The following UBE3C variants were observed in gnomAD, a reference collection of about 807,000 sequenced individuals.
UBE3C encodes ubiquitin protein ligase E3C.
A neutral mutation model predicts 129.4 loss-of-function variants in UBE3C; 42 were observed. The ratio of observed to expected loss-of-function variants is 0.32; its 90% CI spans 0.25 to 0.42. UBE3C has a LOEUF of 0.42. UBE3C is among the 10% of genes least tolerant of loss of function. The pLI, the probability that UBE3C is intolerant of heterozygous loss-of-function variation, is 1.00. For missense variants in UBE3C, 1,049 were observed against 1,319.1 expected (o/e 0.80, Z 3.17); for synonymous variants, 510 against 492.4 (o/e 1.04, Z -0.47).
At chr7:157,212,483 C>T (rs190023692) in intron 13 of UBE3C, among the ~76,000 whole-genome samples, 466 of 152,210 alleles carry the variant, frequency 3.1e-3, no homozygotes, top group Non-Finnish European at 5.5e-3. Flanking sequence ...GAATATTTCC[C>T]CAAGGTCAGT....
At chr7:157,257,930 TC>T (rs1796797212) in intron 22 of UBE3C, among the ~76,000 whole-genome samples, 1 of 150,444 alleles carries the variant, frequency 6.6e-6, no homozygotes, top group South Asian at 2.1e-4. Context: ...GCATTCACTT[TC>T]TTTTTTCCTT....
At chr7:157,153,562 C>T (rs1807817593) in intron 1 of UBE3C, among the ~76,000 whole-genome samples, 1 of 152,066 alleles carries the variant, frequency 6.6e-6, no homozygotes, top group African/African-American at 2.4e-5. Flanking sequence ...CCAGGTAATC[C>T]CAAGTGTTGG....
rs1175791910 is a variant in UBE3C at position 157,256,788 on chromosome 7, C to A, written c.2951-126C>A. ...CACAGGTGATACACACATGCCACGC[C>A]GTTTTAGAGAAGGGACTTGAGGATC... On this transcript the variant is annotated intron_variant, in intron 21 of 22. Coordinates refer to ENST00000348165, the MANE Select transcript of UBE3C (RefSeq NM_014671.3). 14 of 1,250,546 alleles carry A rather than the reference C, an allele frequency of 1.1e-5. No individual in the cohort carries two copies. The East Asian group carries it at 2.8e-4, about 25-fold the overall frequency. The allele number at this position is 1,250,546 out of a possible 1,614,324, so 77.5% of individuals were successfully genotyped here.
At chr7:157,209,274 A>G (rs1809524242) in intron 13 of UBE3C, among the ~76,000 whole-genome samples, 1 of 152,234 alleles carries the variant, frequency 6.6e-6, no homozygotes, top group Non-Finnish European at 1.5e-5. Context: ...GAGCATGAGC[A>G]TTAGCAGCAG....
At position 157,169,057 on chromosome 7, in the gene UBE3C, C is replaced by A. The variant is rs1481261665; in HGVS notation, c.130C>A (p.Arg44=). ...EERRKREEER[R]RLKNAIIIQS... is the part of the protein sequence containing the mutation. ...TCCTTTTATTGTTTAGGAAGAAAGG[C>A]GAAGGTTGAAAAATGCAATAATTAT... Residue 44 remains arginine (R), a synonymous_variant, in exon 3 of 23, where the codon CGA becomes AGA. Transcript: ENST00000348165. 6.2e-7 allele frequency: 1 copy of A among 1,613,280 alleles called. No individual in the cohort carries two copies. Among genetic ancestry groups the A allele is most frequent in the South Asian group, 1.1e-5 (1 of 91,036 alleles).
At chr7:157,189,910 C>T (rs1403647223) in intron 10 of UBE3C, among the ~76,000 whole-genome samples, 2 of 152,140 alleles carry the variant, frequency 1.3e-5, no homozygotes, top group Non-Finnish European at 2.9e-5. Flanking sequence ...AAGCGATCCT[C>T]CTACTTCAGC....
chr7:157,151,329 A>G (rs950532365), intron 1 of UBE3C, among the ~76,000 whole-genome samples: 2 of 152,252 alleles, frequency 1.3e-5, no homozygotes, highest in African/African-American at 4.8e-5. Context: ...GTTATTGGCT[A>G]CATAAATAAC....
intron 5 of UBE3C, among the ~76,000 whole-genome samples, chr7:157,177,673 C>G (rs893736934): frequency 2.0e-5 from 3 of 152,244 alleles, no homozygotes; most frequent in Admixed American, 2.0e-4. Flanking sequence ...AAAACAAGGT[C>G]TGGCTGGGTG....
At chr7:157,168,438 G>A (rs1808276772) in intron 2 of UBE3C, among the ~76,000 whole-genome samples, 1 of 151,866 alleles carries the variant, frequency 6.6e-6, no homozygotes, top group South Asian at 2.1e-4. Context: ...TCTACTTCTA[G>A]GTTTATGCTC....
chr7:157,248,876 C>T (rs1428420095), intron 19 of UBE3C, among the ~76,000 whole-genome samples: 3 of 152,168 alleles, frequency 2.0e-5, no homozygotes, highest in African/African-American at 7.2e-5. Flanking sequence ...CTTCCCGGTG[C>T]TGGGGGTGGC....
intron 19 of UBE3C, among the ~76,000 whole-genome samples, chr7:157,249,859 T>A (rs1182383): frequency 0.95 from 145,412 of 152,300 alleles, 69,484 homozygotes; most frequent in East Asian, 0.99. Context: ...ATACACTCTG[T>A]GCATCCATAA....
chr7:157,217,565 G>A (rs919603812), intron 14 of UBE3C, among the ~76,000 whole-genome samples: 5 of 152,174 alleles, frequency 3.3e-5, no homozygotes, highest in East Asian at 1.9e-4. Context: ...GGCCAGGCGC[G>A]GTGGCTCACG....
At chr7:157,223,073 G>A (rs950485263) in intron 15 of UBE3C, 181 bp from the exon 16 acceptor site, 4 of 588,640 alleles carry the variant, frequency 6.8e-6, no homozygotes, top group East Asian at 3.0e-5. Context: ...GGGAGCTACT[G>A]TGCTGATCCT....
At chr7:157,208,703 T>A (rs966854748) in intron 13 of UBE3C, among the ~76,000 whole-genome samples, 1 of 152,244 alleles carries the variant, frequency 6.6e-6, no homozygotes, top group Non-Finnish European at 1.5e-5. Context: ...TTAACATATC[T>A]TCGTTCTTAA....
At chr7:157,186,308 A>G (rs1808803811) in intron 9 of UBE3C, among the ~76,000 whole-genome samples, 1 of 151,942 alleles carries the variant, frequency 6.6e-6, no homozygotes, top group Non-Finnish European at 1.5e-5. Context: ...AGTCCCAGCT[A>G]CTTGGGAAGC....
chr7:157,241,366 A>G (rs1451390138), intron 18 of UBE3C, among the ~76,000 whole-genome samples: 2 of 152,234 alleles, frequency 1.3e-5, no homozygotes, highest in African/African-American at 4.8e-5. Context: ...TACTTGTGGC[A>G]TATATATGAA....
chr7:157,171,660 T>TTACATATATATA (rs1554424035), intron 4 of UBE3C, among the ~76,000 whole-genome samples: 1 of 67,890 alleles, frequency 1.5e-5, no homozygotes. Flanking sequence ...TTTAAATATT[T>TTACATATATATA]TATATATATA....
chr7:157,172,496 C>T (rs927573597), intron 4 of UBE3C, among the ~76,000 whole-genome samples: 1 of 152,126 alleles, frequency 6.6e-6, no homozygotes, highest in African/African-American at 2.4e-5. Context: ...CAAAGGAATA[C>T]ATGATTATTC....
intron 22 of UBE3C, among the ~76,000 whole-genome samples, chr7:157,267,370 T>C (rs1353183940): frequency 6.6e-6 from 1 of 152,152 alleles, no homozygotes; most frequent in East Asian, 1.9e-4. Flanking sequence ...TGCAGTGAGC[T>C]GAGATGGCGC....
Sources: allele counts gnomAD v4.1 joint callset (sites outside exome capture counted in the v4.1 genomes callset), GRCh38; gene constraint gnomAD v4.1.1; transcripts MANE v1.5; gene names NCBI Gene and HGNC (gene_info 2026-07-23, HGNC 2026-07-21).